Variants in POM121C observed in about 807,000 individuals in gnomAD.
The protein encoded by POM121C is nuclear envelope pore membrane protein POM 121C.
A neutral mutation model predicts 66.4 loss-of-function variants in POM121C; 20 were observed. That is an observed-to-expected ratio of 0.30 (90% CI 0.21 to 0.44). The LOEUF (loss-of-function observed/expected upper bound fraction) is 0.44, where lower values mean the gene tolerates loss of function less well. POM121C is among the 20% of genes least tolerant of loss of function. POM121C has a pLI of 1.00. For missense variants in POM121C, 580 were observed against 1,225.7 expected, an observed-to-expected ratio of 0.47 and a Z score of 7.87; for synonymous variants, 286 against 528.0, an observed-to-expected ratio of 0.54 and a Z score of 6.28.
At chr7:75,424,378 G>C in intron 11 of POM121C, 148 bp downstream of exon 11, 5 of 1,238,872 alleles carry the variant, frequency 4.0e-6, no homozygotes, top group Non-Finnish European at 5.8e-6. Context: ...AGACCAACAC[G>C]GATATCTCAG....
chr7:75,419,418 T>C lies in POM121C; in HGVS notation c.2768A>G (p.Gln923Arg). ...FGGTATPTFG[Q>R]NTPAPGVGTS... ...GCCCACTCCAGGCGCAGGGGTGTTCTGACCAAAGGTGGGGGTGGCGGTGCC... is the reference window on the plus strand; with the variant it reads ...GCCCACTCCAGGCGCAGGGGTGTTCCGACCAAAGGTGGGGGTGGCGGTGCC... The change falls in exon 14 of 15, where the codon CAG becomes CGG. Residue 923 changes from glutamine (Q) to arginine (R), a missense_variant. Gln to Arg is a conservative substitution (Grantham distance 43). Coordinates refer to ENST00000615331, the MANE Select transcript of POM121C (RefSeq NM_001099415.3). 1 of 1,613,552 alleles carries C rather than the reference T, an allele frequency of 6.2e-7. No homozygotes were observed. Among genetic ancestry groups the C allele is most frequent in the Non-Finnish European group, 8.5e-7 (1 of 1,179,674 alleles).
At chr7:75,449,946 T>G (rs1172923577) in intron 3 of POM121C, among the ~76,000 whole-genome samples, 1 of 151,568 alleles carries the variant, frequency 6.6e-6, no homozygotes, top group African/African-American at 2.4e-5. Context: ...ACCCAGGAGG[T>G]GGAGGTTGAG....
At chr7:75,454,080 C>A (rs1791121438) in intron 3 of POM121C, among the ~76,000 whole-genome samples, 1 of 152,216 alleles carries the variant, frequency 6.6e-6, no homozygotes, top group African/African-American at 2.4e-5. Context: ...TTGGTCAGGG[C>A]AATCACAAAG....
At position 75,434,767 on chromosome 7, in the gene POM121C, G is replaced by A. The variant is rs1470615597; in HGVS notation, c.480+2748C>T. Among the ~76,000 whole-genome samples the A allele has an allele frequency of 5.0e-4, 76 of 151,910 alleles. 1 individual carries two copies. Among genetic ancestry groups the A allele is most frequent in the Admixed American group, 5.0e-3 (76 of 15,238 alleles). On this transcript the variant is annotated intron_variant, in intron 7 of 14. Coordinates refer to ENST00000615331, the MANE Select transcript of POM121C (RefSeq NM_001099415.3). ...CCAGCTAATTTTTATATTTTTAGTA[G>A]AGACAGGATTTCACCATGTTGGCCA... is the stretch of plus-strand genomic sequence containing the variant.
rs1791760822 is a variant in POM121C, at chr7:75,468,608, C to T, written c.-152+6096G>A. On this transcript the variant is annotated intron_variant, in intron 3 of 14. Coordinates refer to ENST00000615331, the MANE Select transcript of POM121C (RefSeq NM_001099415.3). ...TGTTGGGATTACAGGCGTGAGCCAACACGCCTGACTGACTCCAGCATTTTT... is the reference window on the plus strand; with the variant it reads ...TGTTGGGATTACAGGCGTGAGCCAATACGCCTGACTGACTCCAGCATTTTT... Among the ~76,000 whole-genome samples, 4 of 152,210 alleles carry T rather than the reference C, an allele frequency of 2.6e-5. No homozygotes were observed. In the South Asian group the frequency reaches 8.3e-4, roughly 32 times the overall value.
intron 7 of POM121C, among the ~76,000 whole-genome samples, chr7:75,435,965 C>T (rs1318791850): frequency 2.6e-5 from 4 of 151,772 alleles, no homozygotes; most frequent in African/African-American, 4.8e-5. Flanking sequence ...GCAGGAGAAT[C>T]GCTTGAATTC....
intron 7 of POM121C, among the ~76,000 whole-genome samples, chr7:75,431,423 C>G (rs1296978956): frequency 6.8e-6 from 1 of 147,852 alleles, no homozygotes; most frequent in Non-Finnish European, 1.5e-5. Context: ...GACCAACATG[C>G]AGAAACCCCA....
chr7:75,419,705 C>T (rs1357456952), intron 13 of POM121C: 3 of 486,074 alleles, frequency 6.2e-6, no homozygotes, highest in African/African-American at 6.0e-5. Context: ...CCTCGTGGGC[C>T]TCCTGACCAT....
chr7:75,453,940 T>C (rs1554476018), intron 3 of POM121C, among the ~76,000 whole-genome samples: 1 of 152,228 alleles, frequency 6.6e-6, no homozygotes, highest in Non-Finnish European at 1.5e-5. Context: ...TTGGGCTGGT[T>C]TGGGCTTCAT....
At chr7:75,463,060 C>T (rs1244717970) in intron 3 of POM121C, among the ~76,000 whole-genome samples, 2 of 152,118 alleles carry the variant, frequency 1.3e-5, no homozygotes, top group South Asian at 2.1e-4. Context: ...CGGTGGCTCA[C>T]GCCTGTAATC....
At chr7:75,439,090 GAT>G in intron 6 of POM121C, 52 bp downstream of exon 6, 1 of 1,590,606 alleles carries the variant, frequency 6.3e-7, no homozygotes, top group South Asian at 1.1e-5. Flanking sequence ...CAACAGCTCT[GAT>G]CAGGCCTTTT....
intron 3 of POM121C, among the ~76,000 whole-genome samples, chr7:75,471,915 T>C (rs1791894657): frequency 6.6e-6 from 1 of 152,102 alleles, no homozygotes; most frequent in African/African-American, 2.4e-5. Flanking sequence ...AGATGGAGTC[T>C]GGCTCTGTCG....
At position 75,448,812 on chromosome 7, in the gene POM121C, A is replaced by C. The variant is rs182515191; in HGVS notation, c.-151-7165T>G. 5.8e-3 allele frequency among the ~76,000 whole-genome samples: 874 copies of C among 151,664 alleles called. 19 individuals are homozygous for C. Among genetic ancestry groups the C allele is most frequent in the East Asian group, 0.04 (205 of 5,136 alleles). On this transcript the variant is annotated intron_variant, in intron 3 of 14. Coordinates refer to ENST00000615331, the MANE Select transcript of POM121C (RefSeq NM_001099415.3). Reference sequence around the variant, plus strand: ...TGAAACTCTGTCTCAAAAAAAAAAAACCAAATAATTATTAGAAACAACTCT... The same window carrying C: ...TGAAACTCTGTCTCAAAAAAAAAAACCCAAATAATTATTAGAAACAACTCT...
At chr7:75,476,325 G>T in intron 1 of POM121C, among the ~76,000 whole-genome samples, 1 of 151,510 alleles carries the variant, frequency 6.6e-6, no homozygotes, top group East Asian at 1.9e-4. Context: ...CAAAGCTCCT[G>T]GGCTCCAGCA....
chr7:75,465,526 G>A (rs1294765238), intron 3 of POM121C, among the ~76,000 whole-genome samples: 7 of 151,684 alleles, frequency 4.6e-5, no homozygotes, highest in African/African-American at 9.7e-5. Flanking sequence ...AGGCTGAGGC[G>A]GGTGGATCAT....
chr7:75,417,704 G>A lies in POM121C; in HGVS notation c.*1092C>T. On this transcript the variant is annotated 3_prime_UTR_variant, in exon 15 of 15. Coordinates refer to ENST00000615331, the MANE Select transcript of POM121C (RefSeq NM_001099415.3). ...TGGGACAGAAACCGCAGAGGGAAGAGGTCTTTGCTTCCCCTGGGCCCATTC... is the reference window on the plus strand; with the variant it reads ...TGGGACAGAAACCGCAGAGGGAAGAAGTCTTTGCTTCCCCTGGGCCCATTC... 2 of 985,638 alleles carry A rather than the reference G, an allele frequency of 2.0e-6. No individual in the cohort carries two copies. Among genetic ancestry groups the A allele is most frequent in the Non-Finnish European group, 2.4e-6 (2 of 829,882 alleles). 61.1% of individuals were successfully genotyped at this position (985,638 alleles called of 1,614,324 possible).
chr7:75,446,774 C>T (rs1326385216), intron 3 of POM121C, among the ~76,000 whole-genome samples: 1 of 151,968 alleles, frequency 6.6e-6, no homozygotes, highest in Non-Finnish European at 1.5e-5. Context: ...CTTTGGGGGG[C>T]CGAGGTGGGT....
At chr7:75,428,753 G>A (rs587639942) in intron 7 of POM121C, among the ~76,000 whole-genome samples, 4 of 152,320 alleles carry the variant, frequency 2.6e-5, no homozygotes, top group African/African-American at 7.2e-5. Flanking sequence ...GCTGAGGCAG[G>A]AGGATCACCT....
chr7:75,473,513 G>A (rs587706045), intron 3 of POM121C, among the ~76,000 whole-genome samples: 14 of 152,190 alleles, frequency 9.2e-5, no homozygotes, highest in East Asian at 7.7e-4. Context: ...CTGAGGGAGC[G>A]CTACATCATC....
Sources: allele counts gnomAD v4.1 joint callset (sites outside exome capture counted in the v4.1 genomes callset), GRCh38; gene constraint gnomAD v4.1.1; transcripts MANE v1.5; gene names NCBI Gene and HGNC (gene_info 2026-07-23, HGNC 2026-07-21).